The following KIF16B variants were observed in gnomAD, a reference collection of about 807,000 sequenced individuals.
KIF16B encodes the protein kinesin family member 16B.
In KIF16B, 98 loss-of-function variants were observed where a neutral mutation model predicts 156.3. The ratio of observed to expected loss-of-function variants is 0.63; its 90% CI spans 0.53 to 0.74. The LOEUF (loss-of-function observed/expected upper bound fraction) is 0.74. KIF16B is among the 30% of genes least tolerant of loss of function. The pLI is 0.00. For synonymous variants in KIF16B, 564 were observed against 583.7 expected (o/e 0.97, Z 0.49); for missense variants, 1,421 against 1,606.5 (o/e 0.88, Z 1.97).
chr20:16,523,360 A>G (rs540216236), intron 3 of KIF16B, among the ~76,000 whole-genome samples: 32 of 152,376 alleles, frequency 2.1e-4, no homozygotes, highest in African/African-American at 7.7e-4. Context: ...ATCAATGTGC[A>G]AGAATCTCAA....
At chr20:16,386,564 T>G (rs568966498) in intron 17 of KIF16B, among the ~76,000 whole-genome samples, 5 of 151,870 alleles carry the variant, frequency 3.3e-5, no homozygotes, top group African/African-American at 9.7e-5. Context: ...GTGGTGGTTT[T>G]GGGAGAATGG....
chr20:16,541,551 C>A (rs999434804), intron 1 of KIF16B, among the ~76,000 whole-genome samples: 1 of 152,320 alleles, frequency 6.6e-6, no homozygotes, highest in South Asian at 2.1e-4. Context: ...CAACAGGAGG[C>A]CATTAAGCTG....
At chr20:16,508,992 G>A (rs2068875169) in intron 6 of KIF16B, among the ~76,000 whole-genome samples, 2 of 152,032 alleles carry the variant, frequency 1.3e-5, no homozygotes, top group African/African-American at 4.8e-5. Flanking sequence ...TTCTGTCAGG[G>A]AACCAAATGT....
chr20:16,422,834 A>C (rs566191972), intron 15 of KIF16B, among the ~76,000 whole-genome samples: 1 of 152,316 alleles, frequency 6.6e-6, no homozygotes, highest in Admixed American at 6.5e-5. Context: ...AAATCAAACA[A>C]AATTAGAATC....
At chr20:16,399,986 C>A (rs2065607732) in intron 17 of KIF16B, among the ~76,000 whole-genome samples, 1 of 152,180 alleles carries the variant, frequency 6.6e-6, no homozygotes, top group Non-Finnish European at 1.5e-5. Flanking sequence ...TGCTGCCCAG[C>A]CAATTTCTGA....
chr20:16,415,229 G>C (rs988614934), intron 15 of KIF16B, among the ~76,000 whole-genome samples: 4 of 152,054 alleles, frequency 2.6e-5, no homozygotes, highest in African/African-American at 9.7e-5. Flanking sequence ...TTACACAATT[G>C]GTCAAGCTAT....
At chr20:16,329,838 T>G (rs1180241722) in intron 24 of KIF16B, among the ~76,000 whole-genome samples, 1 of 152,126 alleles carries the variant, frequency 6.6e-6, no homozygotes, top group Non-Finnish European at 1.5e-5. Context: ...AACAACAATT[T>G]AAAAAACCCT....
intron 15 of KIF16B, among the ~76,000 whole-genome samples, chr20:16,422,837 T>C (rs533684020): frequency 6.6e-5 from 10 of 152,216 alleles, no homozygotes; most frequent in Admixed American, 1.3e-4. Context: ...TCAAACAAAA[T>C]TAGAATCTAA....
intron 15 of KIF16B, among the ~76,000 whole-genome samples, chr20:16,412,442 CTCA>C (rs1195572531): frequency 6.6e-6 from 1 of 152,086 alleles, no homozygotes; most frequent in African/African-American, 2.4e-5. Flanking sequence ...TTAGTCCATT[CTCA>C]TACTGCCAAT....
intron 1 of KIF16B, among the ~76,000 whole-genome samples, chr20:16,558,096 C>T (rs1040531349): frequency 5.9e-5 from 9 of 152,280 alleles, no homozygotes; most frequent in East Asian, 1.9e-4. Flanking sequence ...ATTGAAGAAG[C>T]GACATTTGAA....
intron 24 of KIF16B, among the ~76,000 whole-genome samples, chr20:16,316,330 A>G (rs1002622091): frequency 1.3e-5 from 2 of 152,226 alleles, no homozygotes; most frequent in Non-Finnish European, 2.9e-5. Context: ...AAGGCACTCA[A>G]AAGTAAAACA....
chr20:16,536,329 G>A (rs367937484), intron 1 of KIF16B, among the ~76,000 whole-genome samples: 1 of 152,056 alleles, frequency 6.6e-6, no homozygotes, highest in Non-Finnish European at 1.5e-5. Context: ...AGATATCAGA[G>A]GCTGGAATGG....
chr20:16,573,056 G>C (rs6135800), intron 1 of KIF16B, among the ~76,000 whole-genome samples, 173 bp downstream of exon 1: 40,285 of 152,076 alleles, frequency 0.26, 5,495 homozygotes, highest in African/African-American at 0.33. Flanking sequence ...CAATGTGAAC[G>C]GGACAGCAGT....
At chr20:16,477,467 A>G (rs1297519586) in intron 12 of KIF16B, among the ~76,000 whole-genome samples, 3 of 152,088 alleles carry the variant, frequency 2.0e-5, no homozygotes, top group African/African-American at 4.8e-5. Context: ...TTAGATGATG[A>G]CTCCTGACCT....
chr20:16,564,392 C>A (rs977742516), intron 1 of KIF16B, among the ~76,000 whole-genome samples: 16 of 152,086 alleles, frequency 1.1e-4, no homozygotes, highest in African/African-American at 3.9e-4. Flanking sequence ...CCGCAATAAA[C>A]ATACGTGTGC....
At chr20:16,292,565 A>C (rs948889686) in intron 25 of KIF16B, among the ~76,000 whole-genome samples, 3 of 152,224 alleles carry the variant, frequency 2.0e-5, no homozygotes, top group African/African-American at 7.2e-5. Flanking sequence ...AAGTCTGAAA[A>C]AGAGGGAGTT....
intron 12 of KIF16B, among the ~76,000 whole-genome samples, chr20:16,459,770 C>A (rs187344077): frequency 8.5e-5 from 13 of 152,294 alleles, no homozygotes. Flanking sequence ...AAACTTAAAT[C>A]GAATCTTAAA....
intron 1 of KIF16B, among the ~76,000 whole-genome samples, chr20:16,554,260 C>G (rs2070767815): frequency 6.6e-6 from 1 of 152,204 alleles, no homozygotes; most frequent in African/African-American, 2.4e-5. Flanking sequence ...CATATTTCCT[C>G]CCCTATGAGG....
chr20:16,282,138 C>A (rs1243269021), intron 25 of KIF16B, among the ~76,000 whole-genome samples: 1 of 151,176 alleles, frequency 6.6e-6, no homozygotes, highest in Admixed American at 6.6e-5. Flanking sequence ...TTCAAGCAAT[C>A]CTCCTGCCTC....
Sources: gnomAD v4.1 joint callset for allele counts (sites outside exome capture counted in the v4.1 genomes callset) on GRCh38, gnomAD v4.1.1 for gene constraint, MANE v1.5 for transcripts, NCBI Gene and HGNC (gene_info 2026-07-23, HGNC 2026-07-21) for gene names.